NPFFR1: variants seen among roughly 807,000 people sequenced by gnomAD.
NPFFR1 encodes the protein G-protein coupled receptor 147.
A neutral mutation model predicts 12.7 loss-of-function variants in NPFFR1; 17 were observed. That is an observed-to-expected ratio of 1.34 (90% CI 0.92 to 2.01). The LOEUF is 2.01. NPFFR1 is among the 30% of genes most tolerant of loss of function. The pLI is 0.00. For missense variants in NPFFR1, 604 were observed against 606.5 expected, an observed-to-expected ratio of 1.00 and a Z score of 0.04; for synonymous variants, 296 against 264.5, an observed-to-expected ratio of 1.12 and a Z score of -1.16.
Position 70,283,971 on chromosome 10 carries a change from C to T in NPFFR1, c.-295G>A, listed in dbSNP as rs1258366403. On this transcript the variant is annotated 5_prime_UTR_variant, in exon 1 of 4. Coordinates refer to ENST00000277942, the MANE Select transcript of NPFFR1 (RefSeq NM_022146.5). ...TCCCGACCAGGGGAAGGAGGGGGCTCGTGAGGCGCAGTCGTCATGGCACCC... is the reference window on the plus strand; with the variant it reads ...TCCCGACCAGGGGAAGGAGGGGGCTTGTGAGGCGCAGTCGTCATGGCACCC... Among the ~76,000 whole-genome samples, 1 of 152,122 alleles carries T rather than the reference C, an allele frequency of 6.6e-6. No homozygotes were observed. Among genetic ancestry groups the T allele is most frequent in the Non-Finnish European group, 1.5e-5 (1 of 67,990 alleles).
At chr10:70,272,266 TAGAA>T (rs1367416807) in intron 1 of NPFFR1, among the ~76,000 whole-genome samples, 2 of 76,882 alleles carry the variant, frequency 2.6e-5, no homozygotes. Flanking sequence ...AAGAAAATAA[TAGAA>T]AGAAAACAAT....
chr10:70,260,755 C>G lies in NPFFR1; in HGVS notation c.323-16G>C, dbSNP rs754210121. On this transcript the variant is annotated splice_polypyrimidine_tract_variant and intron_variant, in intron 2 of 3. Transcript: ENST00000277942. ...AAGGGCCACCCTGCAATGACAGAGG[C>G]CCCCACAGAGTGAGAGATGCCCACG... 2.6e-6 allele frequency: 4 copies of G among 1,553,088 alleles called. No homozygotes were observed. The highest frequency in any genetic ancestry group is 3.5e-6 in the Non-Finnish European group (4 of 1,159,278).
intron 1 of NPFFR1, among the ~76,000 whole-genome samples, chr10:70,269,055 G>A (rs1309811364): frequency 2.0e-5 from 3 of 152,128 alleles, no homozygotes; most frequent in Non-Finnish European, 4.4e-5. Flanking sequence ...TGAGTGGTTG[G>A]TCTGTAGCAC....
chr10:70,275,756 T>C (rs74139295), intron 1 of NPFFR1, among the ~76,000 whole-genome samples: 4,123 of 152,306 alleles, frequency 0.027, 173 homozygotes, highest in African/African-American at 0.093. Flanking sequence ...CACACTGCTT[T>C]AGCTGTATCC....
rs941965761 is a variant in NPFFR1, at chr10:70,265,987, A to C, written c.322+90T>G. 5 of 1,251,202 alleles carry C rather than the reference A, an allele frequency of 4.0e-6. No homozygotes were observed. In the Admixed American group the frequency reaches 7.4e-5, roughly 18 times the overall value. 77.5% of individuals were successfully genotyped at this position (1,251,202 alleles called of 1,614,324 possible). On this transcript the variant is annotated intron_variant, in intron 2 of 3. Coordinates refer to ENST00000277942, the MANE Select transcript of NPFFR1 (RefSeq NM_022146.5). ...GCCAAGAGGCCAGCCCAGCAATGAT[A>C]TCTGTCTTCTAAGCTTTGATTTCCA...
intron 1 of NPFFR1, among the ~76,000 whole-genome samples, chr10:70,279,613 C>A (rs1457100280): frequency 1.3e-5 from 2 of 151,974 alleles, no homozygotes; most frequent in East Asian, 1.9e-4. Flanking sequence ...GTGTGTGCCA[C>A]CACACTCAGC....
intron 1 of NPFFR1, among the ~76,000 whole-genome samples, chr10:70,279,636 T>C (rs1352853583): frequency 6.6e-6 from 1 of 151,676 alleles, no homozygotes; most frequent in Non-Finnish European, 1.5e-5. Flanking sequence ...ATTTTTGTAT[T>C]TTTTAATAGA....
chr10:70,252,866 G>A lies in NPFFR1; in HGVS notation c.*2091C>T, dbSNP rs928817567. 6.6e-6 allele frequency: 1 copy of A among 152,078 alleles called. No individual in the cohort carries two copies. The highest frequency in any genetic ancestry group is 2.4e-5 in the African/African-American group (1 of 41,414). 9.4% of individuals were successfully genotyped at this position (152,078 alleles called of 1,614,324 possible). On this transcript the variant is annotated 3_prime_UTR_variant, in exon 4 of 4. Transcript: ENST00000277942. ...GCCTCAAATGCTGATCTTGTACTTG[G>A]GGAGGCTATGCTAAAGGAGAAACAC...
chr10:70,277,930 T>TC (rs745670025), intron 1 of NPFFR1: 3 of 501,788 alleles, frequency 6.0e-6, no homozygotes, highest in Non-Finnish European at 1.2e-5. Context: ...TCTCTAGATG[T>TC]TGGGGAAGAC....
At chr10:70,261,704 C>T (rs959765313) in intron 2 of NPFFR1, among the ~76,000 whole-genome samples, 1 of 152,180 alleles carries the variant, frequency 6.6e-6, no homozygotes, top group Admixed American at 6.5e-5. Context: ...TTGCAAAGAA[C>T]AAATGCTCAG....
chr10:70,283,222 ACTCTCT>A (rs758178711), intron 1 of NPFFR1, among the ~76,000 whole-genome samples: 1 of 109,240 alleles, frequency 9.2e-6, no homozygotes. Flanking sequence ...TCTCTCTCTC[ACTCTCT>A]CTCTCTCTCT....
chr10:70,269,679 T>A (rs912995821), intron 1 of NPFFR1, among the ~76,000 whole-genome samples: 2 of 152,054 alleles, frequency 1.3e-5, no homozygotes, highest in African/African-American at 4.8e-5. Flanking sequence ...ACCCAGCTAA[T>A]TTTGTATTTT....
chr10:70,255,155 G>A lies in NPFFR1; in HGVS notation c.1095C>T (p.Gly365=), dbSNP rs1156283900. The A allele has an allele frequency of 6.5e-7, 1 of 1,541,092 alleles. No individual in the cohort carries two copies. The highest frequency in any genetic ancestry group is 8.7e-7 in the Non-Finnish European group (1 of 1,145,228). Residue 365 remains glycine, a synonymous_variant, in exon 4 of 4, where the codon GGC becomes GGT. Coordinates refer to ENST00000277942, the MANE Select transcript of NPFFR1 (RefSeq NM_022146.5). This position sits in a 1 kb window ranked among gnomAD's most constrained non-coding sequence, Gnocchi z 4.2. ...SHKEAYSERP[G]GLLHRRVFVV... The stretch of plus-strand genomic sequence containing the variant: ...CGAAGACCCGCCTGTGCAGAAGCCC[G>A]CCGGGCCGCTCGGAGTAGGCCTCCT...
intron 1 of NPFFR1, among the ~76,000 whole-genome samples, chr10:70,281,409 A>G (rs1358073192): frequency 6.6e-6 from 1 of 151,944 alleles, no homozygotes; most frequent in Non-Finnish European, 1.5e-5. Flanking sequence ...TAAGGCACCC[A>G]TTTCTTGCCT....
chr10:70,261,030 C>A (rs1222235623), intron 2 of NPFFR1, among the ~76,000 whole-genome samples: 1 of 152,086 alleles, frequency 6.6e-6, no homozygotes, highest in Non-Finnish European at 1.5e-5. Flanking sequence ...CCTTGCAGAA[C>A]CTGTGTATAG....
Position 70,255,278 on chromosome 10 carries a change from G to A in NPFFR1, c.972C>T (p.Ala324=), listed in dbSNP as rs367640868. 1.3e-6 allele frequency: 2 copies of A among 1,578,958 alleles called. No individual in the cohort carries two copies. The highest frequency in any genetic ancestry group is 2.7e-5 in the African/African-American group (2 of 74,416). ...AHWLAFFNSS[A]NPIIYGYFNE... Reference sequence around the variant, plus strand: ...TGAAGTAGCCGTAGATGATGGGGTTGGCGCTGCTGTTGAAGAAGGCCAGCC... The same window carrying A: ...TGAAGTAGCCGTAGATGATGGGGTTAGCGCTGCTGTTGAAGAAGGCCAGCC... The change falls in exon 4 of 4, where the codon GCC becomes GCT. Residue 324 remains alanine (A), a synonymous_variant. Transcript: ENST00000277942. This position sits in a 1 kb window ranked among gnomAD's most constrained non-coding sequence, Gnocchi z 4.2.
intron 1 of NPFFR1, among the ~76,000 whole-genome samples, chr10:70,267,987 AAC>A (rs1840714060): frequency 6.6e-6 from 1 of 152,254 alleles, no homozygotes; most frequent in African/African-American, 2.4e-5. Flanking sequence ...ACTGTACTCA[AAC>A]ATCTTTATTT....
rs56178146 is a variant in NPFFR1, at chr10:70,264,366, CAAAAAAAAAAAAAA to C, written c.322+1697_322+1710del. On this transcript the variant is annotated intron_variant, in intron 2 of 3. Coordinates refer to ENST00000277942, the MANE Select transcript of NPFFR1 (RefSeq NM_022146.5). ...TCCAGCCCGGGTGACAGTGAGACTC[CAAAAAAAAAAAAAA>C]AAAAAAAAAAGAAAGAAAAAATAGT... Among the ~76,000 whole-genome samples the C allele has an allele frequency of 9.4e-5, 7 of 74,586 alleles. No homozygotes were observed. The East Asian group carries it at 2.0e-3, about 21-fold the overall frequency. 48.9% of individuals were successfully genotyped at this position (74,586 alleles called of 152,430 possible).
intron 1 of NPFFR1, among the ~76,000 whole-genome samples, chr10:70,281,208 C>T (rs979690234): frequency 8.5e-5 from 13 of 152,188 alleles, no homozygotes; most frequent in Non-Finnish European, 1.3e-4. Flanking sequence ...TCTCTCTGCT[C>T]TGCTTCCTCT....
Sources: allele counts gnomAD v4.1 joint callset (sites outside exome capture counted in the v4.1 genomes callset), GRCh38; gene constraint gnomAD v4.1.1; non-coding constraint Gnocchi (gnomAD v3.1); transcripts MANE v1.5; gene names NCBI Gene and HGNC (gene_info 2026-07-23, HGNC 2026-07-21).